Variants in ANKRD36C observed in about 807,000 individuals in gnomAD.
The protein encoded by ANKRD36C is ankyrin repeat domain-containing protein 36C.
A neutral mutation model predicts 276.4 loss-of-function variants in ANKRD36C; 61 were observed. The ratio of observed to expected loss-of-function variants is 0.22; its 90% CI spans 0.18 to 0.27. The LOEUF (loss-of-function observed/expected upper bound fraction) is 0.27, where lower values mean the gene tolerates loss of function less well. ANKRD36C is among the 10% of genes least tolerant of loss of function. The probability of loss-of-function intolerance (pLI) is 1.00; values close to 1 mark genes in which losing one functional copy is unlikely to be tolerated. For missense variants in ANKRD36C, 1,447 were observed against 2,032.3 expected, an observed-to-expected ratio of 0.71 and a Z score of 5.54; for synonymous variants, 483 against 680.1, an observed-to-expected ratio of 0.71 and a Z score of 4.51.
At chr2:95,967,985 G>A (rs773125695) in intron 6 of ANKRD36C, among the ~76,000 whole-genome samples, 2 of 152,060 alleles carry the variant, frequency 1.3e-5, no homozygotes, top group South Asian at 2.1e-4. Context: ...CCAGCTACTC[G>A]GGAGGCCGAA....
chr2:95,961,213 T>C (rs1023223148), intron 8 of ANKRD36C, among the ~76,000 whole-genome samples: 2 of 152,108 alleles, frequency 1.3e-5, no homozygotes, highest in African/African-American at 4.8e-5. Context: ...AATATATGTT[T>C]GGTGAATCCT....
chr2:95,903,010 C>G (rs1676702834), intron 42 of ANKRD36C, 43 bp downstream of exon 53: 11 of 1,571,484 alleles, frequency 7.0e-6, no homozygotes, highest in South Asian at 1.1e-5. Flanking sequence ...GCTTCATAGA[C>G]TATACATTTA....
rs1204709247 is a variant in ANKRD36C, at chr2:95,903,206, T to C, written c.2654-3870A>G. 14 of 1,459,318 alleles carry C rather than the reference T, an allele frequency of 9.6e-6. 1 individual carries two copies. The highest frequency in any genetic ancestry group is 2.0e-5 in the Admixed American group (1 of 49,808). 90.4% of individuals were successfully genotyped at this position (1,459,318 alleles called of 1,614,324 possible). A position where few individuals can be genotyped will look rare whatever the true frequency, so the allele number is the denominator to read the frequency against. On this transcript the variant is annotated intron_variant, in intron 42 of 66. Transcript: ENST00000456556. ...TATTAGCGTAGGCTTTGATGGCTTC[T>C]ACTTTGTGTCTGGGGACTAGAACAT...
intron 17 of ANKRD36C, among the ~76,000 whole-genome samples, chr2:95,945,549 T>G (rs150344761): frequency 6.6e-6 from 1 of 152,216 alleles, no homozygotes; most frequent in African/African-American, 2.4e-5. Flanking sequence ...TTCAAAATAC[T>G]TAGGCATGAT....
At chr2:95,962,585 A>G (rs753822566) in intron 6 of ANKRD36C, 38 bp from the exon 7 acceptor site, 85 of 1,591,468 alleles carry the variant, frequency 5.3e-5, no homozygotes, top group Admixed American at 6.7e-5. Context: ...ATCATAGGTA[A>G]ATATGATACA....
chr2:95,896,270 A>C (rs1386525041), intron 44 of ANKRD36C, among the ~76,000 whole-genome samples: 1 of 149,762 alleles, frequency 6.7e-6, no homozygotes, highest in Non-Finnish European at 1.5e-5. Flanking sequence ...ATAATATATT[A>C]GCCTCAATAA....
At chr2:95,881,608 G>C (rs1032417300) in intron 56 of ANKRD36C, among the ~76,000 whole-genome samples, 2 of 152,114 alleles carry the variant, frequency 1.3e-5, no homozygotes, top group African/African-American at 2.4e-5. Flanking sequence ...AAATATATGT[G>C]TGATGTCTGA....
rs201253379 is a variant in ANKRD36C at position 95,867,557 on chromosome 2, C to T, written c.3565G>A (p.Asp1189Asn). The change falls in exon 60 of 67, where the codon GAT becomes AAT. Residue 1189 changes from aspartate (D) to asparagine (N), a missense_variant. Asp to Asn is a conservative substitution (Grantham distance 23). Coordinates refer to ENST00000456556, the Ensembl canonical transcript of ANKRD36C. Reference sequence around the variant, plus strand: ...GACTGAATTATGTCATCAAGGTCATCCCTAGAATGTATTTGGTTTTTCACC... The same window carrying T: ...GACTGAATTATGTCATCAAGGTCATTCCTAGAATGTATTTGGTTTTTCACC... 3,950 of 1,455,512 alleles carry T rather than the reference C, an allele frequency of 2.7e-3. 9 individuals carry two copies. Among genetic ancestry groups the T allele is most frequent in the Non-Finnish European group, 3.0e-3 (3,306 of 1,087,310 alleles). 90.2% of individuals were successfully genotyped at this position (1,455,512 alleles called of 1,614,324 possible).
At chr2:95,889,843 G>C in exon 48 of ANKRD36C, 1 of 1,602,300 alleles carries the variant, frequency 6.2e-7, no homozygotes, top group Non-Finnish European at 8.5e-7. Context: ...GGCCATATTC[G>C]GAACAGAATT....
chr2:95,902,781 A>T (rs934964540), intron 42 of ANKRD36C, 105 bp downstream of exon 54: 23 of 1,331,224 alleles, frequency 1.7e-5, no homozygotes, highest in African/African-American at 3.0e-5. Context: ...AGGACTGCTG[A>T]ATCAGAATGT....
intron 26 of ANKRD36C, among the ~76,000 whole-genome samples, chr2:95,927,814 C>T (rs1399532924): frequency 4.6e-5 from 7 of 151,576 alleles, no homozygotes; most frequent in East Asian, 3.9e-4. Flanking sequence ...ATACTACAAA[C>T]GTTCATCATG....
In ANKRD36C at chr2:95,875,060, C is replaced by G. The variant is rs1290090079; in HGVS notation, c.3540+1379G>C. ...TGCTGGAGAAGATGTGGAGAAATAG[C>G]AACACTTTTACACTGTTGGTGGGAC... On this transcript the variant is annotated intron_variant, in intron 59 of 66. Coordinates refer to ENST00000456556, the Ensembl canonical transcript of ANKRD36C. Among the ~76,000 whole-genome samples, 7 of 152,120 alleles carry G rather than the reference C, an allele frequency of 4.6e-5. No homozygotes were observed. In the South Asian group the frequency reaches 6.2e-4, roughly 14 times the overall value.
At chr2:95,929,423 A>G (rs1202206061) in intron 24 of ANKRD36C, among the ~76,000 whole-genome samples, 156 bp from the exon 25 acceptor site, 1 of 151,450 alleles carries the variant, frequency 6.6e-6, no homozygotes. Context: ...GGGACTAAAC[A>G]TGAAGGAAAT....
intron 44 of ANKRD36C, among the ~76,000 whole-genome samples, chr2:95,896,749 T>C (rs1036859161): frequency 8.1e-5 from 12 of 147,764 alleles, no homozygotes; most frequent in Non-Finnish European, 1.8e-4. Context: ...ACTCAGGTTT[T>C]CTCAGCAGAA....
At chr2:95,862,056 C>G (rs1402109625) in intron 60 of ANKRD36C, among the ~76,000 whole-genome samples, 1 of 152,020 alleles carries the variant, frequency 6.6e-6, no homozygotes, top group Non-Finnish European at 1.5e-5. Flanking sequence ...AATCCTAAGT[C>G]TTTATGCCCC....
At chr2:95,869,907 T>C (rs1362309054) in intron 59 of ANKRD36C, among the ~76,000 whole-genome samples, 2 of 152,222 alleles carry the variant, frequency 1.3e-5, no homozygotes, top group Non-Finnish European at 2.9e-5. Flanking sequence ...GTCTAACTAA[T>C]TGCTAGCACA....
intron 8 of ANKRD36C, among the ~76,000 whole-genome samples, 185 bp downstream of exon 8, chr2:95,962,167 A>C (rs1443377560): frequency 6.6e-6 from 1 of 152,040 alleles, no homozygotes; most frequent in Admixed American, 6.6e-5. Flanking sequence ...ACATAATCTT[A>C]CTACTCAGAT....
chr2:95,850,488 A>G (rs1675269965), downstream of ANKRD36C, among the ~76,000 whole-genome samples: 1 of 152,228 alleles, frequency 6.6e-6, no homozygotes, highest in African/African-American at 2.4e-5. Context: ...CATGTAGGAT[A>G]GAGGGAAGAA....
intron 40 of ANKRD36C, among the ~76,000 whole-genome samples, chr2:95,912,806 C>T (rs2104401214): frequency 6.6e-6 from 1 of 151,500 alleles, no homozygotes; most frequent in African/African-American, 2.4e-5. Flanking sequence ...TCCCATATGT[C>T]TTTCATGCAA....
Sources: gnomAD v4.1 joint callset for allele counts (sites outside exome capture counted in the v4.1 genomes callset) on GRCh38, gnomAD v4.1.1 for gene constraint, MANE v1.5 for transcripts, NCBI Gene and HGNC (gene_info 2026-07-23, HGNC 2026-07-21) for gene names.